The following RBFOX2 variants were observed in gnomAD, a reference collection of about 807,000 sequenced individuals.
The protein encoded by RBFOX2 is RNA binding protein fox-1 homolog 2.
A neutral mutation model predicts 49.1 loss-of-function variants in RBFOX2; 10 were observed. That is an observed-to-expected ratio of 0.20 (90% CI 0.13 to 0.35). The LOEUF (loss-of-function observed/expected upper bound fraction) is 0.35. Among genes scored for constraint, RBFOX2 ranks in the 10% least tolerant of loss-of-function variants. The probability of loss-of-function intolerance (pLI) is 1.00; values close to 1 mark genes in which losing one functional copy is unlikely to be tolerated. For synonymous variants in RBFOX2, 183 were observed against 187.4 expected (o/e 0.98, Z 0.19); for missense variants, 323 against 486.9 (o/e 0.66, Z 3.17).
chr22:35,983,975 A>G (rs1380355894), intron 1 of RBFOX2, among the ~76,000 whole-genome samples: 1 of 152,122 alleles, frequency 6.6e-6, no homozygotes, highest in East Asian at 1.9e-4. Context: ...ACATTTCTAA[A>G]CTGATTCCCT....
intron 1 of RBFOX2, among the ~76,000 whole-genome samples, chr22:35,882,569 T>A (rs972471722): frequency 6.6e-6 from 1 of 152,098 alleles, no homozygotes; most frequent in Non-Finnish European, 1.5e-5. Flanking sequence ...ACGGGACTAA[T>A]CCAATAAAGA....
rs2048120300 is a variant in RBFOX2 at position 35,898,276 on chromosome 22, A to G, written c.-34+40571T>C. 2.0e-5 allele frequency: 15 copies of G among 749,572 alleles called. 1 individual carries two copies. The Admixed American group carries it at 2.3e-4, about 11-fold the overall frequency. 46.4% of individuals were successfully genotyped at this position (749,572 alleles called of 1,614,324 possible). A position where few individuals can be genotyped will look rare whatever the true frequency, so the allele number is the denominator to read the frequency against. On this transcript the variant is annotated intron_variant, in intron 1 of 13. Coordinates refer to the RBFOX2 transcript ENST00000359369. ...GACTTGAGGAACATTCACCTTTCCCATGAGGTATGAGGGCATGATGAAGCT... is the reference window on the plus strand; with the variant it reads ...GACTTGAGGAACATTCACCTTTCCCGTGAGGTATGAGGGCATGATGAAGCT...
intron 1 of RBFOX2, among the ~76,000 whole-genome samples, chr22:35,905,203 A>G (rs2048992210): frequency 6.6e-6 from 1 of 152,188 alleles, no homozygotes; most frequent in Non-Finnish European, 1.5e-5. Context: ...ACTGGGAAGC[A>G]GTGGGGAATA....
intron 1 of RBFOX2, among the ~76,000 whole-genome samples, chr22:35,815,823 T>C (rs1258629958): frequency 6.6e-6 from 1 of 152,246 alleles, no homozygotes; most frequent in African/African-American, 2.4e-5. Flanking sequence ...TACTTTTAAG[T>C]ATTTTTACAA....
rs1355626719 is a variant in RBFOX2 at position 36,006,975 on chromosome 22, AGG to A, written c.186+21263_186+21264del. On this transcript the variant is annotated intron_variant, in intron 1 of 13. Transcript: ENST00000438146. ...AAGTCCATTTGTTCATAAAATTCCA[AGG>A]TGAAAAAAATCCAAGTAACCCATGG... Among the ~76,000 whole-genome samples the A allele has an allele frequency of 9.3e-3, 1,423 of 152,262 alleles. 20 individuals carry two copies. The highest frequency in any genetic ancestry group is 0.033 in the African/African-American group (1,363 of 41,554).
intron 1 of RBFOX2, among the ~76,000 whole-genome samples, chr22:36,026,879 T>C (rs948455156): frequency 1.3e-5 from 2 of 152,246 alleles, no homozygotes; most frequent in East Asian, 3.9e-4. Context: ...TACAGCTCTG[T>C]CCCTAACACA....
intron 1 of RBFOX2, among the ~76,000 whole-genome samples, chr22:35,989,766 T>C (rs187893908): frequency 6.6e-6 from 1 of 152,144 alleles, no homozygotes; most frequent in African/African-American, 2.4e-5. Flanking sequence ...GGAGCTCCAA[T>C]CTGAGGGTTT....
chr22:35,889,427 C>T (rs1390145938), intron 1 of RBFOX2, among the ~76,000 whole-genome samples: 10 of 152,078 alleles, frequency 6.6e-5, no homozygotes, highest in Admixed American at 6.6e-4. Context: ...TTCCCTCCTA[C>T]AAAAACCTGG....
chr22:35,775,536 G>C (rs1943662295), intron 4 of RBFOX2, among the ~76,000 whole-genome samples: 1 of 151,850 alleles, frequency 6.6e-6, no homozygotes. Context: ...AATTGGATCA[G>C]GTAAATTTAA....
intron 5 of RBFOX2, among the ~76,000 whole-genome samples, chr22:35,767,708 T>C (rs1264783813): frequency 6.6e-6 from 1 of 152,142 alleles, no homozygotes; most frequent in Non-Finnish European, 1.5e-5. Flanking sequence ...TAGATATATT[T>C]AAAAACTACA....
chr22:35,805,477 A>G (rs1013746358), intron 2 of RBFOX2, among the ~76,000 whole-genome samples: 8 of 152,050 alleles, frequency 5.3e-5, no homozygotes, highest in African/African-American at 1.9e-4. Context: ...CCAGACACCA[A>G]ATGCTGGCGA....
intron 1 of RBFOX2, among the ~76,000 whole-genome samples, chr22:35,919,674 G>T (rs751096180): frequency 1.3e-5 from 2 of 152,188 alleles, no homozygotes; most frequent in Non-Finnish European, 2.9e-5. Flanking sequence ...TTAAATGGGT[G>T]AACTGTACAG....
chr22:35,828,559 AC>A (rs1170193289), intron 1 of RBFOX2, among the ~76,000 whole-genome samples: 4 of 152,210 alleles, frequency 2.6e-5, no homozygotes, highest in Non-Finnish European at 5.9e-5. Flanking sequence ...TGGGGAAAGA[AC>A]CACCTGAAAG....
At chr22:35,789,879 A>AG (rs924992878) in intron 2 of RBFOX2, among the ~76,000 whole-genome samples, 13 of 152,026 alleles carry the variant, frequency 8.6e-5, no homozygotes, top group Admixed American at 7.9e-4. Flanking sequence ...TTAAGAGTTG[A>AG]GGGGGTAGGT....
chr22:35,891,296 G>A (rs1462694514), intron 1 of RBFOX2, among the ~76,000 whole-genome samples: 3 of 152,110 alleles, frequency 2.0e-5, no homozygotes, highest in African/African-American at 7.2e-5. Context: ...ACCATGCCCA[G>A]CTAATTGTTT....
chr22:35,989,292 C>T (rs1264990918), intron 1 of RBFOX2, among the ~76,000 whole-genome samples: 1 of 152,078 alleles, frequency 6.6e-6, no homozygotes, highest in Non-Finnish European at 1.5e-5. Context: ...TCATTTCAAG[C>T]ACCAATTTTT....
intron 1 of RBFOX2, among the ~76,000 whole-genome samples, chr22:35,830,558 T>C (rs1484161220): frequency 1.3e-5 from 2 of 152,230 alleles, no homozygotes; most frequent in Non-Finnish European, 2.9e-5. Flanking sequence ...TATTGCCTAC[T>C]ACACACCTAG....
chr22:35,943,038 C>T (rs183640619), upstream of RBFOX2, among the ~76,000 whole-genome samples: 39 of 152,304 alleles, frequency 2.6e-4, no homozygotes, highest in East Asian at 7.5e-3. Context: ...GTGATTTGCT[C>T]ATAATCAAAT....
intron 6 of RBFOX2, 26 bp downstream of exon 7, chr22:35,765,397 C>T (rs1466154229): frequency 3.4e-6 from 5 of 1,460,106 alleles, no homozygotes; most frequent in Non-Finnish European, 2.8e-6. Context: ...AGAATAAACA[C>T]TCTTTCGAAG....
Sources: allele counts gnomAD v4.1 joint callset (sites outside exome capture counted in the v4.1 genomes callset), GRCh38; gene constraint gnomAD v4.1.1; transcripts MANE v1.5; gene names NCBI Gene and HGNC (gene_info 2026-07-23, HGNC 2026-07-21).